UBQLN1: variants seen among roughly 807,000 people sequenced by gnomAD.
UBQLN1 encodes ubiquilin-1.
Under a neutral mutation model 65.4 loss-of-function variants are expected in UBQLN1, and 13 were observed. The observed-to-expected ratio is 0.20, with a 90% confidence interval of 0.13 to 0.32. The LOEUF (loss-of-function observed/expected upper bound fraction) is 0.32. UBQLN1 is among the 10% of genes least tolerant of loss of function. The pLI, the probability that UBQLN1 is intolerant of heterozygous loss-of-function variation, is 1.00. For synonymous variants in UBQLN1, 267 were observed against 247.8 expected, an observed-to-expected ratio of 1.08 and a Z score of -0.73; for missense variants, 561 against 724.0, an observed-to-expected ratio of 0.77 and a Z score of 2.58.
At chr9:83,705,248 T>TTTTTTTTTTTTTC (rs1832381264) in intron 1 of UBQLN1, among the ~76,000 whole-genome samples, 1 of 147,126 alleles carries the variant, frequency 6.8e-6, no homozygotes, top group African/African-American at 2.5e-5. Context: ...CAGCACTCCT[T>TTTTTTTTTTTTTC]TTTTTTTTTG....
intron 2 of UBQLN1, among the ~76,000 whole-genome samples, chr9:83,685,278 G>T (rs1832021198): frequency 6.6e-6 from 1 of 152,120 alleles, no homozygotes. Context: ...TTTAAGCAAT[G>T]CTACACCACC....
intron 6 of UBQLN1, among the ~76,000 whole-genome samples, chr9:83,673,444 C>T (rs1387359640): frequency 3.3e-5 from 5 of 149,740 alleles, no homozygotes; most frequent in Non-Finnish European, 1.5e-5. Context: ...ACTCAGGAGG[C>T]TGAGGCACGA....
At chr9:83,703,254 A>G (rs12346707) in intron 1 of UBQLN1, among the ~76,000 whole-genome samples, 52,905 of 151,924 alleles carry the variant, frequency 0.35, 9,608 homozygotes, top group Middle Eastern at 0.5. Flanking sequence ...AGCATCCCCA[A>G]TCCAAAAATA....
intron 3 of UBQLN1, among the ~76,000 whole-genome samples, chr9:83,682,120 T>C (rs1233953723): frequency 1.3e-5 from 2 of 151,890 alleles, no homozygotes; most frequent in Non-Finnish European, 2.9e-5. Flanking sequence ...CAGTCTCTAC[T>C]AAAAATACAA....
chr9:83,705,503 A>G (rs1832387458), intron 1 of UBQLN1, among the ~76,000 whole-genome samples: 1 of 152,210 alleles, frequency 6.6e-6, no homozygotes, highest in Admixed American at 6.5e-5. Flanking sequence ...TCGGCCTCAC[A>G]AAGTGCTGGG....
intron 2 of UBQLN1, among the ~76,000 whole-genome samples, chr9:83,683,389 T>G (rs1309190690): frequency 8.3e-6 from 1 of 119,828 alleles, no homozygotes; most frequent in Non-Finnish European, 1.6e-5. Context: ...CCGTCCAGCC[T>G]GGGCAACAGA....
chr9:83,690,950 C>T (rs1423190440), intron 1 of UBQLN1, among the ~76,000 whole-genome samples: 1 of 152,034 alleles, frequency 6.6e-6, no homozygotes, highest in African/African-American at 2.4e-5. Flanking sequence ...CTAGCCTAGC[C>T]AACATGGCAA....
At chr9:83,682,823 TG>T (rs1314836849) in intron 3 of UBQLN1, 127 bp downstream of exon 3, 15 of 463,920 alleles carry the variant, frequency 3.2e-5, no homozygotes, top group Non-Finnish European at 3.4e-5. Flanking sequence ...TAGGAATGTA[TG>T]TTTTTTTTTT....
chr9:83,707,536 C>T lies in UBQLN1; in HGVS notation c.144G>A (p.Glu48=), dbSNP rs1832433439. Residue 48 remains glutamate, a synonymous_variant, in exon 1 of 11, where the codon GAG becomes GAA. Coordinates refer to ENST00000376395, the MANE Select transcript of UBQLN1 (RefSeq NM_013438.5). ...AGCTATTCTCGGGCACGGCGAATTC[C>T]TCCTTTTCCTTCGGGGTCTTCACGG... ...KVTVKTPKEK[E]EFAVPENSSV... is the part of the protein sequence containing the mutation. 6.2e-7 allele frequency: 1 copy of T among 1,611,696 alleles called. No homozygotes were observed. Among genetic ancestry groups the T allele is most frequent in the Non-Finnish European group, 8.5e-7 (1 of 1,179,034 alleles).
intron 5 of UBQLN1, 141 bp downstream of exon 5, chr9:83,678,300 C>A (rs558433250): frequency 1.6e-5 from 17 of 1,036,304 alleles, no homozygotes; most frequent in Non-Finnish European, 2.3e-5. Flanking sequence ...GGATTACAGG[C>A]GTGAGCCACT....
At chr9:83,706,373 A>G (rs1008575506) in intron 1 of UBQLN1, among the ~76,000 whole-genome samples, 1 of 152,236 alleles carries the variant, frequency 6.6e-6, no homozygotes, top group African/African-American at 2.4e-5. Flanking sequence ...GAAAATTTTT[A>G]CAAGCACTGG....
At chr9:83,682,825 T>TG (rs57150962) in intron 3 of UBQLN1, 126 bp downstream of exon 3, 1 of 266,180 alleles carries the variant, frequency 3.8e-6, no homozygotes, top group South Asian at 5.8e-5. Context: ...GGAATGTATG[T>TG]TTTTTTTTTT....
chr9:83,684,496 G>T (rs1255227830), intron 2 of UBQLN1, among the ~76,000 whole-genome samples: 1 of 151,730 alleles, frequency 6.6e-6, no homozygotes, highest in Non-Finnish European at 1.5e-5. Flanking sequence ...CGCCTGGCCT[G>T]ATTATTACTT....
rs1426739570 is a variant in UBQLN1 at position 83,660,426 on chromosome 9, T to C, written c.*1361A>G. 6.6e-6 allele frequency: 1 copy of C among 152,622 alleles called. No individual in the cohort carries two copies. Among genetic ancestry groups the C allele is most frequent in the Non-Finnish European group, 1.5e-5 (1 of 68,032 alleles). 9.5% of individuals were successfully genotyped at this position (152,622 alleles called of 1,614,324 possible). ...TCACTGACCCTCAATTATGTTTTAA[T>C]TGGTCCTAAAGGAATGTACCACCCC... On this transcript the variant is annotated 3_prime_UTR_variant, in exon 11 of 11. Coordinates refer to ENST00000376395, the MANE Select transcript of UBQLN1 (RefSeq NM_013438.5).
intron 1 of UBQLN1, among the ~76,000 whole-genome samples, chr9:83,696,126 G>C (rs1250001413): frequency 6.6e-6 from 1 of 152,150 alleles, no homozygotes; most frequent in African/African-American, 2.4e-5. Flanking sequence ...TCTTAGTAGA[G>C]ACAGGGTTTC....
chr9:83,669,236 G>A lies in UBQLN1; in HGVS notation c.1197C>T (p.Tyr399=). The A allele has an allele frequency of 6.2e-7, 1 of 1,612,266 alleles. No homozygotes were observed. Among genetic ancestry groups the A allele is most frequent in the South Asian group, 1.1e-5 (1 of 90,624 alleles). ...TTAGTGACTGCATCATGCTTCTCAT[G>A]TAGGGGGCAGACAACATGTTTTGCA... The part of the protein sequence containing the change: ...QLMQNMLSAP[Y]MRSMMQSLSQ... The change falls in exon 7 of 11, where the codon TAC becomes TAT. Residue 399 remains tyrosine (Y), a synonymous_variant. Transcript: ENST00000376395.
intron 10 of UBQLN1, 103 bp downstream of exon 10, chr9:83,663,772 A>G: frequency 1.6e-6 from 2 of 1,269,586 alleles, no homozygotes; most frequent in Non-Finnish European, 1.1e-6. Context: ...CTAAACACCT[A>G]AGAACTACTG....
At chr9:83,664,688 C>A (rs941603739) in intron 9 of UBQLN1, among the ~76,000 whole-genome samples, 3 of 151,822 alleles carry the variant, frequency 2.0e-5, no homozygotes, top group Non-Finnish European at 4.4e-5. Flanking sequence ...ATCTCTTGAG[C>A]CCAGAAGTTT....
At position 83,707,502 on chromosome 9, in the gene UBQLN1, G is replaced by A; in HGVS notation, c.178C>T (p.Gln60Ter). Residue 60 changes from glutamine to a stop codon, truncating the protein, a stop_gained and splice_region_variant, in exon 1 of 11, where the codon CAG (glutamine) becomes TAG (stop). Coordinates refer to ENST00000376395, the MANE Select transcript of UBQLN1 (RefSeq NM_013438.5). LOFTEE classifies it high-confidence loss of function. Reference sequence around the variant, plus strand: ...GCCCGAGCCCCAGGCGGCCTCACCTGCTGGACGGAGCTATTCTCGGGCACG... The same window carrying A: ...GCCCGAGCCCCAGGCGGCCTCACCTACTGGACGGAGCTATTCTCGGGCACG... ...FAVPENSSVQ[Q>*]FKEEISKRFK... 2 of 1,607,458 alleles carry A rather than the reference G, an allele frequency of 1.2e-6. No individual in the cohort carries two copies. The highest frequency in any genetic ancestry group is 1.7e-6 in the Non-Finnish European group (2 of 1,177,376).
Sources: gnomAD v4.1 joint callset for allele counts (sites outside exome capture counted in the v4.1 genomes callset) on GRCh38, gnomAD v4.1.1 for gene constraint, MANE v1.5 for transcripts, NCBI Gene and HGNC (gene_info 2026-07-23, HGNC 2026-07-21) for gene names.